Variants in OXR1 observed in about 807,000 individuals in gnomAD.
The protein encoded by OXR1 is oxidation resistance 1.
Under a neutral mutation model 104.6 loss-of-function variants are expected in OXR1, and 41 were observed. That is an observed-to-expected ratio of 0.39 (90% CI 0.31 to 0.51). The LOEUF (loss-of-function observed/expected upper bound fraction) is 0.51, where lower values mean the gene tolerates loss of function less well. Ranked by LOEUF, OXR1 falls within the 20% of genes least tolerant of loss-of-function variation. OXR1 has a pLI of 0.77. For missense variants in OXR1, 955 were observed against 1,031.9 expected (o/e 0.93, Z 1.02); for synonymous variants, 348 against 348.4 (o/e 1.00, Z 0.01).
intron 4 of OXR1, among the ~76,000 whole-genome samples, chr8:106,681,486 C>A (rs117690664): frequency 0.015 from 2,331 of 152,178 alleles, 35 homozygotes; most frequent in Admixed American, 0.046. Flanking sequence ...CTTTTGAAAT[C>A]TTCTATAACC....
chr8:106,288,641 A>T (rs1024400552), intron 1 of OXR1, among the ~76,000 whole-genome samples: 1 of 148,068 alleles, frequency 6.8e-6, no homozygotes, highest in Non-Finnish European at 1.5e-5. Flanking sequence ...ATATATTAAT[A>T]TATACACACA....
chr8:106,506,716 C>T (rs77442684), intron 2 of OXR1, among the ~76,000 whole-genome samples: 1,892 of 151,704 alleles, frequency 0.012, 30 homozygotes, highest in East Asian at 0.081. Flanking sequence ...CCCAACTGGA[C>T]CAAGTGGATT....
intron 2 of OXR1, among the ~76,000 whole-genome samples, chr8:106,508,613 T>C (rs1281186307): frequency 1.3e-5 from 2 of 152,224 alleles, no homozygotes; most frequent in African/African-American, 2.4e-5. Flanking sequence ...AACCACAAAA[T>C]GTCATTTTTA....
chr8:106,559,296 C>T (rs1018286880), intron 3 of OXR1, among the ~76,000 whole-genome samples: 1 of 152,170 alleles, frequency 6.6e-6, no homozygotes, highest in Non-Finnish European at 1.5e-5. Context: ...ATATTTCTAA[C>T]AACATTCTGA....
At chr8:106,735,449 T>G (rs1208027854) in intron 11 of OXR1, among the ~76,000 whole-genome samples, 1 of 152,178 alleles carries the variant, frequency 6.6e-6, no homozygotes, top group African/African-American at 2.4e-5. Flanking sequence ...CTCTCAGCAA[T>G]GCTGATACAA....
intron 2 of OXR1, among the ~76,000 whole-genome samples, chr8:106,396,991 C>T (rs1029775835): frequency 1.3e-5 from 2 of 151,672 alleles, no homozygotes; most frequent in African/African-American, 2.4e-5. Flanking sequence ...AAGGAAAAAC[C>T]CCCAGCAATT....
At chr8:106,417,503 T>C (rs998788742) in intron 2 of OXR1, among the ~76,000 whole-genome samples, 5 of 152,194 alleles carry the variant, frequency 3.3e-5, no homozygotes, top group African/African-American at 1.2e-4. Context: ...TCAAGTGTGA[T>C]TAGAAAATGC....
At chr8:106,584,370 C>T (rs1006699367) in intron 3 of OXR1, among the ~76,000 whole-genome samples, 3 of 151,788 alleles carry the variant, frequency 2.0e-5, no homozygotes, top group African/African-American at 7.3e-5. Flanking sequence ...GAGAAAATTT[C>T]CCAGAACTGA....
chr8:106,611,910 T>C (rs1265270422), intron 3 of OXR1, among the ~76,000 whole-genome samples: 1 of 150,364 alleles, frequency 6.7e-6, no homozygotes, highest in Non-Finnish European at 1.5e-5. Context: ...TTTTAATTTC[T>C]ATACCTTTGT....
At chr8:106,730,725 A>G (rs1359101981) in intron 11 of OXR1, among the ~76,000 whole-genome samples, 1 of 152,110 alleles carries the variant, frequency 6.6e-6, no homozygotes, top group East Asian at 1.9e-4. Flanking sequence ...TAAGTTTTCA[A>G]CTCATAAATA....
chr8:106,383,653 A>T (rs1817252244), intron 2 of OXR1, among the ~76,000 whole-genome samples: 1 of 152,224 alleles, frequency 6.6e-6, no homozygotes, highest in South Asian at 2.1e-4. Context: ...ATCAAGACTG[A>T]AACTCCAGCT....
At chr8:106,727,904 C>T (rs529280158) in intron 11 of OXR1, among the ~76,000 whole-genome samples, 30 of 152,230 alleles carry the variant, frequency 2.0e-4, no homozygotes, top group Admixed American at 1.7e-3. Flanking sequence ...CTAGTTGAAG[C>T]ATGGAGTGGT....
intron 1 of OXR1, among the ~76,000 whole-genome samples, chr8:106,313,384 G>A (rs1487560413): frequency 6.6e-6 from 1 of 152,006 alleles, no homozygotes; most frequent in Non-Finnish European, 1.5e-5. Flanking sequence ...ATATAATTAG[G>A]GTACAGCATA....
rs374956186 is a variant in OXR1 at position 106,710,755 on chromosome 8, G to C, written c.1758G>C (p.Lys586Asn). The C allele has an allele frequency of 2.6e-6, 4 of 1,556,890 alleles. No individual in the cohort carries two copies. The African/African-American group carries it at 5.5e-5, about 21-fold the overall frequency. The change falls in exon 10 of 17, where the codon AAG (lysine) becomes AAC (asparagine). Residue 586 changes from lysine to asparagine, a missense_variant. Transcript: ENST00000517566. ...TGCAACAGTATGCACAGAGAGATAA[G>C]AAACATGAATATTGGTTTGCTGTGC... ...ATMQQYAQRDKKHEYWFAVPQ... is the reference protein window; with the variant it reads ...ATMQQYAQRDNKHEYWFAVPQ...
chr8:106,732,494 A>T (rs1275515156), intron 11 of OXR1, among the ~76,000 whole-genome samples: 1 of 151,976 alleles, frequency 6.6e-6, no homozygotes, highest in Non-Finnish European at 1.5e-5. Context: ...CTTGTTTCTC[A>T]CTATTATGTG....
At chr8:106,545,001 C>T (rs972940810) in intron 3 of OXR1, among the ~76,000 whole-genome samples, 1 of 152,140 alleles carries the variant, frequency 6.6e-6, no homozygotes, top group African/African-American at 2.4e-5. Context: ...AAACTTGGCA[C>T]TAACGTCATT....
intron 8 of OXR1, among the ~76,000 whole-genome samples, chr8:106,703,965 C>T (rs1375879870): frequency 6.6e-6 from 1 of 152,120 alleles, no homozygotes; most frequent in African/African-American, 2.4e-5. Context: ...AAAATTAACC[C>T]TTGTGGGGCA....
intron 2 of OXR1, among the ~76,000 whole-genome samples, chr8:106,387,485 A>G (rs1405703491): frequency 6.6e-6 from 1 of 152,052 alleles, no homozygotes; most frequent in East Asian, 1.9e-4. Context: ...CATTCTTTTG[A>G]GATTGTTGGG....
intron 2 of OXR1, among the ~76,000 whole-genome samples, chr8:106,461,666 G>A (rs529358082): frequency 9.2e-5 from 14 of 152,260 alleles, no homozygotes; most frequent in Admixed American, 3.3e-4. Flanking sequence ...TGGAAATACA[G>A]GATTCCTGCT....
Sources: gnomAD v4.1 joint callset for allele counts (sites outside exome capture counted in the v4.1 genomes callset) on GRCh38, gnomAD v4.1.1 for gene constraint, MANE v1.5 for transcripts, NCBI Gene and HGNC (gene_info 2026-07-23, HGNC 2026-07-21) for gene names.